The following KCNQ5 variants were observed in gnomAD, a reference collection of about 807,000 sequenced individuals.
The protein encoded by KCNQ5 is potassium voltage-gated channel subfamily Q member 5, also known as potassium voltage-gated channel subfamily KQT member 5.
A neutral mutation model predicts 98.2 loss-of-function variants in KCNQ5; 30 were observed. The ratio of observed to expected loss-of-function variants is 0.31; its 90% confidence interval spans 0.23 to 0.41. KCNQ5 has a LOEUF of 0.41. KCNQ5 is among the 10% of genes least tolerant of loss of function. The pLI is 1.00. For synonymous variants in KCNQ5, 458 were observed against 449.4 expected (o/e 1.02, Z -0.24); for missense variants, 835 against 1,182.5 (o/e 0.71, Z 4.31).
At chr6:73,147,217 T>A (rs1042745009) in intron 10 of KCNQ5, among the ~76,000 whole-genome samples, 5 of 152,092 alleles carry the variant, frequency 3.3e-5, no homozygotes, top group African/African-American at 9.7e-5. Context: ...TAATAAGATA[T>A]AATGTGTGTA....
rs1370356445 is a variant in KCNQ5 at position 72,667,263 on chromosome 6, A to T, written c.398+44676A>T. On this transcript the variant is annotated intron_variant, in intron 1 of 13. Transcript: ENST00000370398. The stretch of plus-strand genomic sequence containing the variant: ...ATCTATTAAATTAAGGCAGCCACCA[A>T]AGATGACTTAAGCCTCACCTCTGTC... 2.0e-5 allele frequency among the ~76,000 whole-genome samples: 3 copies of T among 152,282 alleles called. No homozygotes were observed. In the East Asian group the frequency reaches 5.8e-4, roughly 29 times the overall value.
intron 3 of KCNQ5, among the ~76,000 whole-genome samples, chr6:73,067,863 G>GATATATAT (rs71695883): frequency 4.6e-3 from 20 of 4,376 alleles, no homozygotes; most frequent in Admixed American, 5.0e-3. Flanking sequence ...TTGGACAAAA[G>GATATATAT]ATATATATAT....
At chr6:72,849,115 TAC>T (rs57312980) in intron 1 of KCNQ5, among the ~76,000 whole-genome samples, 25,481 of 146,818 alleles carry the variant, frequency 0.17, 2,357 homozygotes, top group South Asian at 0.32. Flanking sequence ...TATGTACACA[TAC>T]ACACACACAC....
At chr6:72,866,675 A>G (rs16882974) in intron 1 of KCNQ5, among the ~76,000 whole-genome samples, 4,265 of 152,274 alleles carry the variant, frequency 0.028, 211 homozygotes, top group African/African-American at 0.096. Flanking sequence ...AACCACACTT[A>G]AGTCAAACCC....
intron 2 of KCNQ5, among the ~76,000 whole-genome samples, chr6:73,021,325 G>A (rs1184807284): frequency 6.6e-6 from 1 of 152,132 alleles, no homozygotes; most frequent in African/African-American, 2.4e-5. Context: ...GTATTTCCTA[G>A]TATGTATCAC....
At chr6:72,927,823 A>AT (rs990865149) in intron 1 of KCNQ5, among the ~76,000 whole-genome samples, 1 of 151,416 alleles carries the variant, frequency 6.6e-6, no homozygotes, top group East Asian at 1.9e-4. Context: ...ACCAATACAA[A>AT]TTTTTTTTTC....
intron 1 of KCNQ5, among the ~76,000 whole-genome samples, chr6:72,770,829 G>A (rs1425576796): frequency 6.6e-6 from 1 of 152,032 alleles, no homozygotes. Flanking sequence ...AGTAATATTA[G>A]CCCCTAAAAG....
Position 73,194,874 on chromosome 6 carries a change from T to G in KCNQ5, c.2259T>G (p.Pro753=), listed in dbSNP as rs763399501. The G allele has an allele frequency of 6.2e-7, 1 of 1,613,738 alleles. No individual in the cohort carries two copies. Among genetic ancestry groups the G allele is most frequent in the South Asian group, 1.1e-5 (1 of 91,034 alleles). The change falls in exon 14 of 14, where the codon CCT becomes CCG. Residue 753 remains proline, a synonymous_variant. Transcript: ENST00000370398. ...AAPTTLQIPP[P]LPAIKHLPRP... Reference sequence around the variant, plus strand: ...CAACAACTTTACAGATCCCACCTCCTCTCCCAGCCATCAAGCATCTGCCCA... The same window carrying G: ...CAACAACTTTACAGATCCCACCTCCGCTCCCAGCCATCAAGCATCTGCCCA...
chr6:72,627,461 A>G (rs181437035), intron 1 of KCNQ5, among the ~76,000 whole-genome samples: 1 of 152,328 alleles, frequency 6.6e-6, no homozygotes, highest in East Asian at 1.9e-4. Context: ...TGCATACGGA[A>G]AAAAGGTTAT....
chr6:72,784,132 G>A (rs1284626118), intron 1 of KCNQ5, among the ~76,000 whole-genome samples: 1 of 152,096 alleles, frequency 6.6e-6, no homozygotes, highest in Non-Finnish European at 1.5e-5. Context: ...TCTGGCCAAG[G>A]GTCGGGTACA....
Position 73,194,623 on chromosome 6 carries a change from G to T in KCNQ5, c.2008G>T (p.Ala670Ser), listed in dbSNP as rs146030736. 1 of 1,614,142 alleles carries T rather than the reference G, an allele frequency of 6.2e-7. No homozygotes were observed. Among genetic ancestry groups the T allele is most frequent in the Non-Finnish European group, 8.5e-7 (1 of 1,180,008 alleles). Residue 670 changes from alanine (A) to serine (S), a missense_variant, in exon 14 of 14, where the codon GCA (alanine) becomes TCA (serine). Ala to Ser is a moderately conservative substitution (Grantham distance 99). Transcript: ENST00000370398. ...PVDSKDLSGS[A>S]QNSGCLSRST... ...GGATAGCAAAGATCTTTCGGGTTCC[G>T]CACAAAACAGTGGCTGCTTATCCAG...
At chr6:72,977,846 G>C (rs1362172759) in intron 1 of KCNQ5, among the ~76,000 whole-genome samples, 1 of 152,058 alleles carries the variant, frequency 6.6e-6, no homozygotes, top group African/African-American at 2.4e-5. Flanking sequence ...TGTAAGTTCT[G>C]TAAGGGCAGT....
chr6:72,832,298 G>A (rs1279109948), intron 1 of KCNQ5, among the ~76,000 whole-genome samples: 1 of 152,008 alleles, frequency 6.6e-6, no homozygotes, highest in Non-Finnish European at 1.5e-5. Context: ...AATCCTTTTT[G>A]TTTTTACCTA....
chr6:72,937,839 A>G (rs1766018461), intron 1 of KCNQ5, among the ~76,000 whole-genome samples: 1 of 152,228 alleles, frequency 6.6e-6, no homozygotes, highest in Non-Finnish European at 1.5e-5. Context: ...TAAGTTCTAC[A>G]TAAAGGTCCA....
At chr6:73,159,112 G>A (rs1329680702) in intron 10 of KCNQ5, among the ~76,000 whole-genome samples, 1 of 150,568 alleles carries the variant, frequency 6.6e-6, no homozygotes, top group Non-Finnish European at 1.5e-5. Flanking sequence ...GCCCATCAGT[G>A]ACAGATTTGA....
intron 1 of KCNQ5, among the ~76,000 whole-genome samples, chr6:72,735,867 C>A (rs1770802373): frequency 6.6e-6 from 1 of 151,876 alleles, no homozygotes. Flanking sequence ...ATTTTTCTAG[C>A]ATTTTAAAAT....
At chr6:73,193,012 G>T (rs1765650232) in intron 13 of KCNQ5, among the ~76,000 whole-genome samples, 1 of 146,986 alleles carries the variant, frequency 6.8e-6, no homozygotes. Flanking sequence ...TCTTTTTTAG[G>T]TCATTAATTT....
intron 3 of KCNQ5, among the ~76,000 whole-genome samples, chr6:73,064,764 T>C (rs1285728366): frequency 1.3e-5 from 2 of 152,046 alleles, no homozygotes; most frequent in South Asian, 2.1e-4. Context: ...CATCAGAAAA[T>C]ACACATGACT....
chr6:73,090,635 C>A (rs112895633), intron 5 of KCNQ5, among the ~76,000 whole-genome samples: 3 of 152,238 alleles, frequency 2.0e-5, no homozygotes, highest in Admixed American at 6.5e-5. Context: ...ATATGGCTAG[C>A]CAATTATCCC....
Sources: allele counts gnomAD v4.1 joint callset (sites outside exome capture counted in the v4.1 genomes callset), GRCh38; gene constraint gnomAD v4.1.1; transcripts MANE v1.5; gene names NCBI Gene and HGNC (gene_info 2026-07-23, HGNC 2026-07-21).